GDF11: variants seen among roughly 807,000 people sequenced by gnomAD.
GDF11 encodes the protein growth differentiation factor 11.
Under a neutral mutation model 34.4 loss-of-function variants are expected in GDF11, and 12 were observed. The observed-to-expected ratio is 0.35, with a 90% CI of 0.22 to 0.57. GDF11 has a LOEUF of 0.57. Ranked by LOEUF, GDF11 falls within the 20% of genes least tolerant of loss-of-function variation. GDF11 has a pLI of 0.86. For missense variants in GDF11, 346 were observed against 548.2 expected (o/e 0.63, Z 3.68); for synonymous variants, 212 against 231.1 (o/e 0.92, Z 0.75).
rs1315165590 is a variant in GDF11, at chr12:55,749,467, A to G, written c.844-35A>G. On this transcript the variant is annotated intron_variant, in intron 2 of 2. Transcript: ENST00000257868. This position sits in a 1 kb window ranked among gnomAD's most constrained non-coding sequence, Gnocchi z 5.6. ...CAGGGAAGAGGAACTGTTCAGGACC[A>G]TATCACATTTCTTTCCCCTCTCCCT... is the stretch of plus-strand genomic sequence containing the variant. 6 of 1,578,032 alleles carry G rather than the reference A, an allele frequency of 3.8e-6. No homozygotes were observed. Among genetic ancestry groups the G allele is most frequent in the East Asian group, 2.2e-5 (1 of 44,472 alleles).
rs1878399691 is a variant in GDF11 at position 55,753,511 on chromosome 12, T to G, written c.*3629T>G. The G allele has an allele frequency of 6.6e-6, 1 of 152,132 alleles. No individual in the cohort carries two copies. The highest frequency in any genetic ancestry group is 1.5e-5 in the Non-Finnish European group (1 of 68,018). The allele number at this position is 152,132 out of a possible 1,614,324, so 9.4% of individuals were successfully genotyped here. ...CTGGCTGGGCGCAGTGGCTTACATC[T>G]GTAATCCCAGCACTTTGGGGGGCCG... On this transcript the variant is annotated 3_prime_UTR_variant, in exon 3 of 3. Transcript: ENST00000257868.
Position 55,748,520 on chromosome 12 carries a change from C to T in GDF11, c.446-66C>T. The stretch of plus-strand genomic sequence containing the variant: ...CTGAGAAGTCCAAAATTGCCAGTGC[C>T]ACCCAGGACTACTGATCCCCTACAC... On this transcript the variant is annotated intron_variant, in intron 1 of 2. Coordinates refer to ENST00000257868, the MANE Select transcript of GDF11 (RefSeq NM_005811.5). The surrounding 1 kb of genome is among the most constrained non-coding windows in gnomAD (Gnocchi z 5.6). 6.9e-7 allele frequency: 1 copy of T among 1,456,504 alleles called. No individual in the cohort carries two copies. Among genetic ancestry groups the T allele is most frequent in the South Asian group, 1.3e-5 (1 of 74,656 alleles). 90.2% of individuals were successfully genotyped at this position (1,456,504 alleles called of 1,614,324 possible).
In GDF11 at chr12:55,751,620, C is replaced by G. The variant is rs1878324534; in HGVS notation, c.*1738C>G. On this transcript the variant is annotated 3_prime_UTR_variant, in exon 3 of 3. Transcript: ENST00000257868. ...AGTCACAGGCTTCAGAGTACAAGTT[C>G]CCCTCTGCCTCCCAGCTGGACAGTG... The G allele has an allele frequency of 6.6e-6, 1 of 152,208 alleles. No homozygotes were observed. The highest frequency in any genetic ancestry group is 6.5e-5 in the Admixed American group (1 of 15,280). The allele number at this position is 152,208 out of a possible 1,614,324, so 9.4% of individuals were successfully genotyped here. A position where few individuals can be genotyped will look rare whatever the true frequency, so the allele number is the denominator to read the frequency against.
In GDF11 at chr12:55,743,625, G is replaced by A. The variant is rs747381061; in HGVS notation, c.309G>A (p.Leu103=). The A allele has an allele frequency of 6.2e-7, 1 of 1,605,074 alleles. No homozygotes were observed. The highest frequency in any genetic ancestry group is 8.5e-7 in the Non-Finnish European group (1 of 1,179,812). ...PNISREVVKQ[L]LPKAPPLQQI... The stretch of plus-strand genomic sequence containing the variant: ...TCAGCCGCGAGGTGGTGAAGCAGCT[G>A]CTGCCCAAGGCGCCGCCGCTGCAGC... The change falls in exon 1 of 3, where the codon CTG becomes CTA. Residue 103 remains leucine, a synonymous_variant. Transcript: ENST00000257868.
chr12:55,745,428 G>A (rs1399662344), intron 1 of GDF11, among the ~76,000 whole-genome samples: 1 of 151,948 alleles, frequency 6.6e-6, no homozygotes, highest in Non-Finnish European at 1.5e-5. Context: ...GGTGAGGCCT[G>A]GGTCGGTGGG....
intron 1 of GDF11, among the ~76,000 whole-genome samples, chr12:55,747,667 A>G (rs1592544286): frequency 6.6e-6 from 1 of 152,226 alleles, no homozygotes. Flanking sequence ...ATTAGACCCA[A>G]GAAGGATCAA....
Position 55,748,727 on chromosome 12 carries a change from A to T in GDF11, c.587A>T (p.Gln196Leu). 6.2e-7 allele frequency: 1 copy of T among 1,614,266 alleles called. No homozygotes were observed. The highest frequency in any genetic ancestry group is 8.5e-7 in the Non-Finnish European group (1 of 1,180,046). ...CCCCGCCCAGCCACAGTCTACCTGCAGATCTTGCGACTAAAACCCCTAACT... is the reference window on the plus strand; with the variant it reads ...CCCCGCCCAGCCACAGTCTACCTGCTGATCTTGCGACTAAAACCCCTAACT... ...PVPRPATVYL[Q>L]ILRLKPLTGE... The change falls in exon 2 of 3, where the codon CAG (glutamine) becomes CTG (leucine). Residue 196 changes from glutamine (Q) to leucine (L), a missense_variant. Coordinates refer to ENST00000257868, the MANE Select transcript of GDF11 (RefSeq NM_005811.5). This position sits in a 1 kb window ranked among gnomAD's most constrained non-coding sequence, Gnocchi z 5.6.
chr12:55,756,452 G>C lies in GDF11; in HGVS notation c.*6570G>C, dbSNP rs1878507220. On this transcript the variant is annotated 3_prime_UTR_variant, in exon 3 of 3. Coordinates refer to ENST00000257868, the MANE Select transcript of GDF11 (RefSeq NM_005811.5). ...GATCAAACTATTACCATTTCATTAA[G>C]CACAAAACCAGGCAGGTTTTAGTAG... 6.6e-6 allele frequency: 1 copy of C among 152,144 alleles called. No individual in the cohort carries two copies. The highest frequency in any genetic ancestry group is 2.4e-5 in the African/African-American group (1 of 41,432). The allele number at this position is 152,144 out of a possible 1,614,324, so 9.4% of individuals were successfully genotyped here.
At chr12:55,747,960 A>G (rs1878219625) in intron 1 of GDF11, among the ~76,000 whole-genome samples, 1 of 152,230 alleles carries the variant, frequency 6.6e-6, no homozygotes, top group African/African-American at 2.4e-5. Flanking sequence ...GGGGAGACAG[A>G]TGTATAGGAA....
In GDF11 at chr12:55,756,373, C is replaced by T. The variant is rs1020746380; in HGVS notation, c.*6491C>T. On this transcript the variant is annotated 3_prime_UTR_variant, in exon 3 of 3. Coordinates refer to ENST00000257868, the MANE Select transcript of GDF11 (RefSeq NM_005811.5). ...ATCTAAACTTTAGGTCCCTGCTTTC[C>T]TCACCAACCAGAGACTTTGGAGAAA... is the stretch of plus-strand genomic sequence containing the variant. 1 of 152,158 alleles carries T rather than the reference C, an allele frequency of 6.6e-6. No homozygotes were observed. Among genetic ancestry groups the T allele is most frequent in the African/African-American group, 2.4e-5 (1 of 41,416 alleles). The allele number at this position is 152,158 out of a possible 1,614,324, so 9.4% of individuals were successfully genotyped here.
Position 55,743,694 on chromosome 12 carries a change from C to A in GDF11, c.378C>A (p.Pro126=). 1 of 1,601,496 alleles carries A rather than the reference C, an allele frequency of 6.2e-7. No homozygotes were observed. Residue 126 remains proline, a synonymous_variant, in exon 1 of 3, where the codon CCC becomes CCA. Coordinates refer to ENST00000257868, the MANE Select transcript of GDF11 (RefSeq NM_005811.5). ...LHDFQGDALQ[P]EDFLEEDEYH... is the part of the protein sequence containing the mutation. ...ACTTCCAGGGCGACGCGCTGCAGCC[C>A]GAGGACTTCCTGGAGGAGGACGAGT...
chr12:55,743,791 G>T (rs769969074), intron 1 of GDF11, 30 bp downstream of exon 1: 1 of 1,489,674 alleles, frequency 6.7e-7, no homozygotes, highest in East Asian at 2.5e-5. Context: ...CGAGCAGTGG[G>T]GTGCTGGCTC....
intron 1 of GDF11, among the ~76,000 whole-genome samples, chr12:55,745,177 T>C (rs1010957958): frequency 2.0e-5 from 3 of 151,936 alleles, no homozygotes; most frequent in Non-Finnish European, 2.9e-5. Flanking sequence ...AACAGAGTTA[T>C]AGAGGAATTC....
rs901089416 is a variant in GDF11, at chr12:55,756,211, T to C, written c.*6329T>C. ...AAGGTCATTCCAATTTTAAGGTTTA[T>C]TTGGTTGAAGAGGTGTCAAAAATTT... On this transcript the variant is annotated 3_prime_UTR_variant, in exon 3 of 3. Coordinates refer to ENST00000257868, the MANE Select transcript of GDF11 (RefSeq NM_005811.5). The C allele has an allele frequency of 5.9e-5, 9 of 152,332 alleles. No homozygotes were observed. Among genetic ancestry groups the C allele is most frequent in the South Asian group, 2.1e-4 (1 of 4,830 alleles). The allele number at this position is 152,332 out of a possible 1,614,324, so 9.4% of individuals were successfully genotyped here.
Position 55,743,458 on chromosome 12 carries a change from T to C in GDF11, c.142T>C (p.Ser48Pro), listed in dbSNP as rs896095896. Reference protein sequence around the residue: ...AAAAGVGGERSSRPAPSVAPE... With the variant: ...AAAAGVGGERPSRPAPSVAPE... ...AGCGGCGGGGGTCGGGGGGGAGCGC[T>C]CCAGCCGGCCAGCCCCGTCCGTGGC... Residue 48 changes from serine (S) to proline (P), a missense_variant, in exon 1 of 3, where the codon TCC (serine) becomes CCC (proline). Ser to Pro is a moderately conservative substitution (Grantham distance 74). Around this residue, in one of 3 missense-constraint regions of GDF11, gnomAD observed 141 missense variants for 213.8 expected, o/e 0.66. Coordinates refer to ENST00000257868, the MANE Select transcript of GDF11 (RefSeq NM_005811.5). 1 of 1,304,916 alleles carries C rather than the reference T, an allele frequency of 7.7e-7. No individual in the cohort carries two copies. The highest frequency in any genetic ancestry group is 9.8e-7 in the Non-Finnish European group (1 of 1,019,898). 80.8% of individuals were successfully genotyped at this position (1,304,916 alleles called of 1,614,324 possible). A position where few individuals can be genotyped will look rare whatever the true frequency, so the allele number is the denominator to read the frequency against.
Position 55,743,360 on chromosome 12 carries a change from C to T in GDF11, c.44C>T (p.Ala15Val). ...APLLLGFLLL[A>V]LELRPRGEAA... ...CTGCTGCTGGGCTTCCTGCTCCTCG[C>T]CCTGGAGCTGCGGCCCCGGGGGGAG... is the stretch of plus-strand genomic sequence containing the variant. Residue 15 changes from alanine (A) to valine (V), a missense_variant, in exon 1 of 3, where the codon GCC becomes GTC. Physicochemically the swap from Ala to Val is moderately conservative, Grantham distance 64 (BLOSUM62 0). Transcript: ENST00000257868. 1.0e-6 allele frequency: 1 copy of T among 986,818 alleles called. No homozygotes were observed. The highest frequency in any genetic ancestry group is 1.1e-4 in the East Asian group (1 of 8,894). The allele number at this position is 986,818 out of a possible 1,614,324, so 61.1% of individuals were successfully genotyped here. A position where few individuals can be genotyped will look rare whatever the true frequency, so the allele number is the denominator to read the frequency against.
chr12:55,743,958 C>T (rs1258170017), intron 1 of GDF11, among the ~76,000 whole-genome samples, 197 bp downstream of exon 1: 3 of 152,196 alleles, frequency 2.0e-5, no homozygotes, highest in Admixed American at 6.5e-5. Context: ...GTATGCACGC[C>T]TAGTTCCCGG....
At position 55,756,952 on chromosome 12, in the gene GDF11, C is replaced by G. The variant is rs1878523403; in HGVS notation, c.*7070C>G. On this transcript the variant is annotated 3_prime_UTR_variant, in exon 3 of 3. Coordinates refer to ENST00000257868, the MANE Select transcript of GDF11 (RefSeq NM_005811.5). ...GCTAATAACAGAAGGCTACTAATCA[C>G]TGCCCTTGTATTTATATCCTTTGCA... 1 of 152,252 alleles carries G rather than the reference C, an allele frequency of 6.6e-6. No homozygotes were observed. The highest frequency in any genetic ancestry group is 1.5e-5 in the Non-Finnish European group (1 of 68,048). The allele number at this position is 152,252 out of a possible 1,614,324, so 9.4% of individuals were successfully genotyped here.
In GDF11 at chr12:55,756,382, C is replaced by T. The variant is rs1878505352; in HGVS notation, c.*6500C>T. 6.6e-6 allele frequency: 1 copy of T among 152,126 alleles called. No individual in the cohort carries two copies. Among genetic ancestry groups the T allele is most frequent in the Non-Finnish European group, 1.5e-5 (1 of 68,042 alleles). 9.4% of individuals were successfully genotyped at this position (152,126 alleles called of 1,614,324 possible). On this transcript the variant is annotated 3_prime_UTR_variant, in exon 3 of 3. Coordinates refer to ENST00000257868, the MANE Select transcript of GDF11 (RefSeq NM_005811.5). The stretch of plus-strand genomic sequence containing the variant: ...TTAGGTCCCTGCTTTCCTCACCAAC[C>T]AGAGACTTTGGAGAAATAAAGAGAT...
Sources: gnomAD v4.1 joint callset for allele counts (sites outside exome capture counted in the v4.1 genomes callset) on GRCh38, gnomAD v4.1.1 for gene constraint, gnomAD v4.1.1 regional missense constraint, Gnocchi (gnomAD v3.1) non-coding constraint, MANE v1.5 for transcripts, NCBI Gene and HGNC (gene_info 2026-07-23, HGNC 2026-07-21) for gene names.